WDFY3: variants seen among roughly 807,000 people sequenced by gnomAD.
The protein encoded by WDFY3 is WD repeat and FYVE domain-containing protein 3.
WDFY3 carries 66 observed loss-of-function variants against 409.6 expected under a neutral mutation model. The observed-to-expected ratio is 0.16, with a 90% confidence interval of 0.13 to 0.20. The LOEUF (loss-of-function observed/expected upper bound fraction) is 0.20. Ranked by LOEUF, WDFY3 falls within the 10% of genes least tolerant of loss-of-function variation. The pLI, the probability that WDFY3 is intolerant of heterozygous loss-of-function variation, is 1.00. For missense variants in WDFY3, 3,031 were observed against 4,298.1 expected (o/e 0.71, Z 8.24); for synonymous variants, 1,521 against 1,537.1 (o/e 0.99, Z 0.25).
At chr4:84,922,333 G>A (rs945271041) in intron 2 of WDFY3, among the ~76,000 whole-genome samples, 4 of 152,210 alleles carry the variant, frequency 2.6e-5, no homozygotes, top group African/African-American at 9.6e-5. Flanking sequence ...GTTTACAGAA[G>A]GAAAAGAAAA....
At chr4:84,901,136 G>A (rs1272562074) in intron 2 of WDFY3, among the ~76,000 whole-genome samples, 1 of 152,128 alleles carries the variant, frequency 6.6e-6, no homozygotes, top group Non-Finnish European at 1.5e-5. Flanking sequence ...GTTTAGAAGG[G>A]TCTTAATCCC....
chr4:84,847,627 A>G (rs1223977867), intron 5 of WDFY3, among the ~76,000 whole-genome samples: 1 of 146,430 alleles, frequency 6.8e-6, no homozygotes, highest in African/African-American at 2.5e-5. Flanking sequence ...AAAAAAAATT[A>G]GCCGGGCATG....
chr4:84,814,140 TA>T (rs1752923803), intron 13 of WDFY3, among the ~76,000 whole-genome samples: 1 of 152,158 alleles, frequency 6.6e-6, no homozygotes, highest in African/African-American at 2.4e-5. Context: ...CACTATGGCA[TA>T]AGGATTATTT....
chr4:84,699,572 A>T (rs1730742644), intron 56 of WDFY3, among the ~76,000 whole-genome samples: 4 of 152,188 alleles, frequency 2.6e-5, no homozygotes. Context: ...TATACCAAGG[A>T]GTGGAACTGC....
chr4:84,948,097 A>G (rs951669207), intron 1 of WDFY3, among the ~76,000 whole-genome samples: 1 of 152,166 alleles, frequency 6.6e-6, no homozygotes, highest in Admixed American at 6.5e-5. Flanking sequence ...AAGTAAATGA[A>G]AGGTGTGGAG....
At chr4:84,811,465 G>A (rs1752478635) in intron 13 of WDFY3, among the ~76,000 whole-genome samples, 2 of 152,064 alleles carry the variant, frequency 1.3e-5, no homozygotes, top group African/African-American at 2.4e-5. Context: ...AGGAATTGAG[G>A]CCCAATGTGG....
At chr4:84,699,615 AG>A (rs369849303) in intron 56 of WDFY3, among the ~76,000 whole-genome samples, 2 of 152,136 alleles carry the variant, frequency 1.3e-5, no homozygotes, top group African/African-American at 4.8e-5. Context: ...TAACTTTTTG[AG>A]GAACTGCCAA....
chr4:84,910,383 C>T (rs930692958), intron 2 of WDFY3, among the ~76,000 whole-genome samples: 3 of 151,364 alleles, frequency 2.0e-5, no homozygotes, highest in Non-Finnish European at 2.9e-5. Context: ...ATAAAATATC[C>T]AATTAAAAAT....
rs1753842388 is a variant in WDFY3 at position 84,820,095 on chromosome 4, G to A, written c.1683C>T (p.Asn561=). 1.9e-6 allele frequency: 3 copies of A among 1,600,916 alleles called. No individual in the cohort carries two copies. The African/African-American group carries it at 4.0e-5, about 22-fold the overall frequency. ...AGCTTTTTAAATTACCTGCATTTGT[G>A]TTTGATCCTTGAAGAAGCACTGTCA... ...ETLTVLLQGS[N]TNAGIFREFG... Residue 561 remains asparagine, a synonymous_variant, in exon 12 of 68, where the codon AAC becomes AAT. Coordinates refer to ENST00000295888, the MANE Select transcript of WDFY3 (RefSeq NM_014991.6).
chr4:84,839,559 T>TA lies in WDFY3; in HGVS notation c.414+1594dup, dbSNP rs752155113. Reference sequence around the variant, plus strand: ...GGTTGGTTACACTAATTCCCTGAGTTAAAAAAAAAAAAAGAGGGCCAGGCA... The same window carrying TA: ...GGTTGGTTACACTAATTCCCTGAGTTAAAAAAAAAAAAAAGAGGGCCAGGCA... On this transcript the variant is annotated intron_variant, in intron 6 of 67. Coordinates refer to ENST00000295888, the MANE Select transcript of WDFY3 (RefSeq NM_014991.6). 3.8e-3 allele frequency among the ~76,000 whole-genome samples: 539 copies of TA among 142,134 alleles called. 9 individuals are homozygous for TA. Among genetic ancestry groups the TA allele is most frequent in the East Asian group, 0.024 (119 of 4,902 alleles). 93.2% of individuals were successfully genotyped at this position (142,134 alleles called of 152,430 possible). A position where few individuals can be genotyped will look rare whatever the true frequency, so the allele number is the denominator to read the frequency against.
At chr4:84,794,317 A>C (rs2149573921) in intron 21 of WDFY3, among the ~76,000 whole-genome samples, 1 of 152,218 alleles carries the variant, frequency 6.6e-6, no homozygotes, top group African/African-American at 2.4e-5. Flanking sequence ...TTAGGTACTC[A>C]CTCCCTCCAC....
intron 2 of WDFY3, among the ~76,000 whole-genome samples, chr4:84,900,703 G>C (rs1412672705): frequency 6.6e-6 from 1 of 152,098 alleles, no homozygotes; most frequent in Non-Finnish European, 1.5e-5. Flanking sequence ...GACTATAAAG[G>C]AACAGAACAA....
rs1310772169 is a variant in WDFY3 at position 84,878,211 on chromosome 4, A to C, written c.-31-17589T>G. Among the ~76,000 whole-genome samples, 3 of 152,192 alleles carry C rather than the reference A, an allele frequency of 2.0e-5. No homozygotes were observed. The East Asian group carries it at 5.8e-4, about 29-fold the overall frequency. Reference sequence around the variant, plus strand: ...TTTGGGTGGTAAACAGATGATGACAAAAGGCAATAAGCCAGAATCCTCCGC... The same window carrying C: ...TTTGGGTGGTAAACAGATGATGACACAAGGCAATAAGCCAGAATCCTCCGC... On this transcript the variant is annotated intron_variant, in intron 3 of 67. Transcript: ENST00000295888.
At chr4:84,908,764 A>G (rs554080892) in intron 2 of WDFY3, among the ~76,000 whole-genome samples, 1 of 152,286 alleles carries the variant, frequency 6.6e-6, no homozygotes, top group Admixed American at 6.5e-5. Flanking sequence ...ATATGCCAGA[A>G]TACAACACAT....
In WDFY3 at chr4:84,757,333, C is replaced by G. The variant is rs192357104; in HGVS notation, c.5189-172G>C. 3.9e-4 allele frequency among the ~76,000 whole-genome samples: 59 copies of G among 152,280 alleles called. 1 individual carries two copies. Among genetic ancestry groups the G allele is most frequent in the Admixed American group, 6.5e-4 (10 of 15,290 alleles). The stretch of plus-strand genomic sequence containing the variant: ...AATTAATCTTCAGTTAAAAGTTTTA[C>G]TTTACAATTTGTTTGACTTTAGCAA... On this transcript the variant is annotated intron_variant, in intron 32 of 67. Transcript: ENST00000295888.
chr4:84,858,379 TGGA>T (rs1488614799), intron 4 of WDFY3, among the ~76,000 whole-genome samples: 1 of 151,958 alleles, frequency 6.6e-6, no homozygotes, highest in Non-Finnish European at 1.5e-5. Flanking sequence ...ATGTGAACAC[TGGA>T]GATTCAGTGA....
chr4:84,904,348 C>A (rs958710985), intron 2 of WDFY3, among the ~76,000 whole-genome samples: 8 of 151,938 alleles, frequency 5.3e-5, no homozygotes, highest in Non-Finnish European at 4.4e-5. Flanking sequence ...TCAAGGGATT[C>A]TCCTGCCTAG....
At chr4:84,692,470 T>C (rs1460673488) in intron 59 of WDFY3, among the ~76,000 whole-genome samples, 1 of 152,176 alleles carries the variant, frequency 6.6e-6, no homozygotes, top group Non-Finnish European at 1.5e-5. Context: ...TACCATTAGA[T>C]AAAACACAGA....
chr4:84,891,079 C>T lies in WDFY3; in HGVS notation c.-32+5832G>A, dbSNP rs185631170. Among the ~76,000 whole-genome samples the T allele has an allele frequency of 1.1e-4, 17 of 152,264 alleles. No individual in the cohort carries two copies. The East Asian group carries it at 3.3e-3, about 29-fold the overall frequency. On this transcript the variant is annotated intron_variant, in intron 3 of 67. Transcript: ENST00000295888. ...CAAGCAGGTGATAGGCCAGACTTTGCCCGCAGGCCATAGTTTGCCACCCTA... is the reference window on the plus strand; with the variant it reads ...CAAGCAGGTGATAGGCCAGACTTTGTCCGCAGGCCATAGTTTGCCACCCTA...
Sources: allele counts gnomAD v4.1 joint callset (sites outside exome capture counted in the v4.1 genomes callset), GRCh38; gene constraint gnomAD v4.1.1; transcripts MANE v1.5; gene names NCBI Gene and HGNC (gene_info 2026-07-23, HGNC 2026-07-21).